GRK3: variants seen among roughly 807,000 people sequenced by gnomAD.
The protein encoded by GRK3 is G protein-coupled receptor kinase 3.
In GRK3, 54 loss-of-function variants were observed where a neutral mutation model predicts 95.7. The ratio of observed to expected loss-of-function variants is 0.56; its 90% CI spans 0.45 to 0.71. The LOEUF (loss-of-function observed/expected upper bound fraction) is 0.71. Among genes scored for constraint, GRK3 ranks in the 30% least tolerant of loss-of-function variants. The pLI is 0.00. For missense variants in GRK3, 649 were observed against 851.2 expected (o/e 0.76, Z 2.96); for synonymous variants, 281 against 290.8 (o/e 0.97, Z 0.34).
chr22:25,641,551 G>A (rs569661001), intron 2 of GRK3, among the ~76,000 whole-genome samples: 4 of 152,174 alleles, frequency 2.6e-5, no homozygotes, highest in Non-Finnish European at 5.9e-5. Context: ...TTTGCTCATC[G>A]TAAGTGCTAC....
intron 15 of GRK3, among the ~76,000 whole-genome samples, chr22:25,705,181 G>T (rs1045435278): frequency 6.6e-6 from 1 of 152,050 alleles, no homozygotes; most frequent in Non-Finnish European, 1.5e-5. Context: ...TGAAGATTTA[G>T]CTCACTCATT....
intron 7 of GRK3, among the ~76,000 whole-genome samples, chr22:25,672,968 C>T (rs1376792693): frequency 6.7e-6 from 1 of 149,928 alleles, no homozygotes; most frequent in Non-Finnish European, 1.5e-5. Context: ...TATAATCTCC[C>T]TTCTCATAGG....
At chr22:25,657,772 C>T (rs2084882891) in intron 3 of GRK3, among the ~76,000 whole-genome samples, 1 of 151,878 alleles carries the variant, frequency 6.6e-6, no homozygotes, top group African/African-American at 2.4e-5. Flanking sequence ...ATTTTTCTAC[C>T]TCAATCTTTC....
At chr22:25,622,738 G>A (rs1011529607) in intron 2 of GRK3, among the ~76,000 whole-genome samples, 4 of 152,156 alleles carry the variant, frequency 2.6e-5, no homozygotes, top group African/African-American at 4.8e-5. Context: ...GACCCCTGTC[G>A]CATTTAGGAA....
rs554502095 is a variant in GRK3 at position 25,695,097 on chromosome 22, T to C, written c.1053-10T>C. On this transcript the variant is annotated splice_polypyrimidine_tract_variant and intron_variant, in intron 12 of 20. Transcript: ENST00000324198. ...TGCTCTGATAACTGTGTATACTTTC[T>C]TCTCCCTAGTGGCACCCATGGGTAC... 13 of 1,608,132 alleles carry C rather than the reference T, an allele frequency of 8.1e-6. No homozygotes were observed. Among genetic ancestry groups the C allele is most frequent in the African/African-American group, 2.7e-5 (2 of 74,928 alleles).
chr22:25,667,716 A>G, intron 5 of GRK3, 23 bp from the exon 6 acceptor site: 1 of 1,579,254 alleles, frequency 6.3e-7, no homozygotes, highest in Non-Finnish European at 8.7e-7. Context: ...TTCACCGTGG[A>G]ATTTCTTTTC....
At chr22:25,568,111 G>A (rs952704355) in intron 1 of GRK3, among the ~76,000 whole-genome samples, 11 of 152,306 alleles carry the variant, frequency 7.2e-5, no homozygotes, top group Admixed American at 4.6e-4. Context: ...AGTAAACTGT[G>A]ACCCACAGCC....
intron 2 of GRK3, among the ~76,000 whole-genome samples, chr22:25,620,583 T>G (rs370684401): frequency 3.3e-5 from 5 of 152,194 alleles, no homozygotes; most frequent in South Asian, 4.1e-4. Context: ...CTAAAATACT[T>G]TCTTAATAAC....
At position 25,695,304 on chromosome 22, in the gene GRK3, A is replaced by G. The variant is rs1261577027; in HGVS notation, c.1160+90A>G. 3 of 868,588 alleles carry G rather than the reference A, an allele frequency of 3.5e-6. No homozygotes were observed. The African/African-American group carries it at 5.0e-5, about 14-fold the overall frequency. The allele number at this position is 868,588 out of a possible 1,614,324, so 53.8% of individuals were successfully genotyped here. On this transcript the variant is annotated intron_variant, in intron 13 of 20. Transcript: ENST00000324198. The stretch of plus-strand genomic sequence containing the variant: ...AATATGTAGAAATGACTAGACGCTA[A>G]TGTTATTTTAAATCACACAGTGATC...
intron 4 of GRK3, 58 bp downstream of exon 4, chr22:25,661,735 G>A (rs1490356835): frequency 9.0e-7 from 1 of 1,105,382 alleles, no homozygotes; most frequent in Non-Finnish European, 1.3e-6. Context: ...ACCATGTTCA[G>A]CGTTTCCAGA....
chr22:25,592,505 T>A (rs1446293292), intron 1 of GRK3, among the ~76,000 whole-genome samples: 3 of 152,206 alleles, frequency 2.0e-5, no homozygotes, highest in Non-Finnish European at 4.4e-5. Flanking sequence ...AGTTTTTCTC[T>A]TATTATTCAT....
Position 25,674,388 on chromosome 22 carries a change from C to T in GRK3, c.556-49C>T, listed in dbSNP as rs1455285726. ...TTGCATGAAAAAATCTTTAAAACAC[C>T]ATAGCTTTGTGTAATCTTATGTTTT... is the stretch of plus-strand genomic sequence containing the variant. On this transcript the variant is annotated intron_variant, in intron 7 of 20. Transcript: ENST00000324198. 4 of 1,452,026 alleles carry T rather than the reference C, an allele frequency of 2.8e-6. No homozygotes were observed. The African/African-American group carries it at 4.2e-5, about 15-fold the overall frequency. 89.9% of individuals were successfully genotyped at this position (1,452,026 alleles called of 1,614,324 possible). A position where few individuals can be genotyped will look rare whatever the true frequency, so the allele number is the denominator to read the frequency against.
chr22:25,635,376 A>G (rs6004725), intron 2 of GRK3, among the ~76,000 whole-genome samples: 372 of 152,310 alleles, frequency 2.4e-3, no homozygotes, highest in African/African-American at 8.5e-3. Flanking sequence ...CCACAGTACA[A>G]TGTTCAAAAT....
chr22:25,595,498 A>G (rs1303984548), intron 1 of GRK3, among the ~76,000 whole-genome samples: 1 of 152,240 alleles, frequency 6.6e-6, no homozygotes, highest in Non-Finnish European at 1.5e-5. Context: ...CTAAAAATAA[A>G]AACATGCAAG....
chr22:25,578,986 AG>A (rs1932005678), intron 1 of GRK3, among the ~76,000 whole-genome samples: 1 of 152,140 alleles, frequency 6.6e-6, no homozygotes, highest in Non-Finnish European at 1.5e-5. Context: ...AAGACAGAAG[AG>A]AACACCTCAT....
chr22:25,719,816 G>C (rs150088552), intron 19 of GRK3, among the ~76,000 whole-genome samples: 1 of 152,140 alleles, frequency 6.6e-6, no homozygotes, highest in Non-Finnish European at 1.5e-5. Flanking sequence ...GATCAGAAGT[G>C]TGGAAAACAG....
chr22:25,728,713 TCCC>T lies in GRK3; in HGVS notation c.*6267_*6269del, dbSNP rs1170532688. On this transcript the variant is annotated 3_prime_UTR_variant, in exon 21 of 21. Coordinates refer to ENST00000324198, the MANE Select transcript of GRK3 (RefSeq NM_005160.4). ...AGTAGCACATTTGAGTGTGACTTTT[TCCC>T]CCCTTCACTATTTCAAAATGGTTTT... is the stretch of plus-strand genomic sequence containing the variant. The T allele has an allele frequency of 1.3e-5, 2 of 152,084 alleles. No individual in the cohort carries two copies. The highest frequency in any genetic ancestry group is 4.8e-5 in the African/African-American group (2 of 41,390). 9.4% of individuals were successfully genotyped at this position (152,084 alleles called of 1,614,324 possible).
chr22:25,692,877 G>T (rs1026962827), intron 12 of GRK3, among the ~76,000 whole-genome samples: 44 of 152,302 alleles, frequency 2.9e-4, no homozygotes, highest in Admixed American at 1.2e-3. Context: ...CAAGACGGAA[G>T]ATTTTTAGCC....
intron 18 of GRK3, 134 bp from the exon 19 acceptor site, chr22:25,718,111 A>T (rs1568941756): frequency 1.1e-6 from 1 of 935,202 alleles, no homozygotes; most frequent in South Asian, 1.7e-5. Context: ...TAAAATCGTG[A>T]CTTCTGTAAT....
Sources: gnomAD v4.1 joint callset for allele counts (sites outside exome capture counted in the v4.1 genomes callset) on GRCh38, gnomAD v4.1.1 for gene constraint, MANE v1.5 for transcripts, NCBI Gene and HGNC (gene_info 2026-07-23, HGNC 2026-07-21) for gene names.